The following ANO3 variants were observed in gnomAD, a reference collection of about 807,000 sequenced individuals.
The protein encoded by ANO3 is anoctamin-3.
Under a neutral mutation model 144.8 loss-of-function variants are expected in ANO3, and 99 were observed. That is an observed-to-expected ratio of 0.68 (90% CI 0.58 to 0.81). The LOEUF is 0.81. ANO3 is among the 30% of genes least tolerant of loss of function. ANO3 has a pLI of 0.00. For missense variants in ANO3, 905 were observed against 1,202.2 expected, an observed-to-expected ratio of 0.75 and a Z score of 3.66; for synonymous variants, 414 against 392.6, an observed-to-expected ratio of 1.05 and a Z score of -0.64.
intron 1 of ANO3, among the ~76,000 whole-genome samples, chr11:26,230,797 C>CAAAAA (rs1168180646): frequency 7.9e-4 from 9 of 11,332 alleles, no homozygotes; most frequent in Non-Finnish European, 9.9e-4. Flanking sequence ...ACTCCATCTC[C>CAAAAA]AAAAAAAAAA....
rs573764623 is a variant in ANO3 at position 26,295,612 on chromosome 11, C to T, written c.155-14033C>T. On this transcript the variant is annotated intron_variant, in intron 1 of 27. Coordinates refer to the ANO3 transcript ENST00000672621. ...GTAATACTTAAAGCTATCAAGTAGC[C>T]AAAAAAGTTATTAATTTTTTAAATT... Among the ~76,000 whole-genome samples, 311 of 151,106 alleles carry T rather than the reference C, an allele frequency of 2.1e-3. 2 individuals carry two copies. The highest frequency in any genetic ancestry group is 5.2e-3 in the African/African-American group (214 of 41,182).
intron 14 of ANO3, among the ~76,000 whole-genome samples, chr11:26,582,444 G>T (rs1346231909): frequency 6.6e-6 from 1 of 152,182 alleles, no homozygotes; most frequent in Non-Finnish European, 1.5e-5. Flanking sequence ...TTGTTCCAGG[G>T]ACTGACTATA....
intron 1 of ANO3, among the ~76,000 whole-genome samples, chr11:26,241,393 A>G (rs1428362573): frequency 1.3e-5 from 2 of 152,178 alleles, no homozygotes; most frequent in South Asian, 2.1e-4. Flanking sequence ...AAAACATTTA[A>G]TTCCCCAAAT....
At chr11:26,376,083 C>T (rs557602508) in intron 1 of ANO3, among the ~76,000 whole-genome samples, 1 of 152,218 alleles carries the variant, frequency 6.6e-6, no homozygotes, top group South Asian at 2.1e-4. Context: ...TTACTTGACA[C>T]TGGACTTTAA....
chr11:26,463,828 T>C lies in ANO3; in HGVS notation c.432+680T>C, dbSNP rs375524000. ...AATGGATGCTGCTTCTTTTCATCATTGCAAATGTAACTGATCCATATTTCC... is the reference window on the plus strand; with the variant it reads ...AATGGATGCTGCTTCTTTTCATCATCGCAAATGTAACTGATCCATATTTCC... On this transcript the variant is annotated intron_variant, in intron 4 of 26. Transcript: ENST00000256737. 7.3e-5 allele frequency among the ~76,000 whole-genome samples: 11 copies of C among 151,712 alleles called. No individual in the cohort carries two copies. In the East Asian group the frequency reaches 1.9e-3, roughly 27 times the overall value.
At chr11:26,277,916 A>G (rs984167990) in intron 1 of ANO3, among the ~76,000 whole-genome samples, 5 of 152,056 alleles carry the variant, frequency 3.3e-5, no homozygotes, top group African/African-American at 1.2e-4. Flanking sequence ...TTAATATATA[A>G]AGAAGATGTA....
At chr11:26,599,749 A>C (rs778588683) in intron 17 of ANO3, 35 bp downstream of exon 17, 96 of 1,583,984 alleles carry the variant, frequency 6.1e-5, no homozygotes, top group Non-Finnish European at 7.8e-5. Context: ...CAGTAGACAA[A>C]AAAGGGGTGG....
intron 4 of ANO3, among the ~76,000 whole-genome samples, chr11:26,493,794 C>T (rs1860812709): frequency 6.6e-6 from 1 of 152,164 alleles, no homozygotes; most frequent in Non-Finnish European, 1.5e-5. Context: ...TCAGGGACTG[C>T]CATTCACTGG....
At chr11:26,385,317 C>T (rs550903538) in intron 1 of ANO3, among the ~76,000 whole-genome samples, 1 of 152,102 alleles carries the variant, frequency 6.6e-6, no homozygotes, top group Non-Finnish European at 1.5e-5. Context: ...TTGATATATT[C>T]GCTTTATATT....
At chr11:26,238,977 T>C (rs1380954210) in intron 1 of ANO3, among the ~76,000 whole-genome samples, 1 of 150,816 alleles carries the variant, frequency 6.6e-6, no homozygotes, top group Non-Finnish European at 1.5e-5. Context: ...TAATGTATGT[T>C]CCTTTTTAAA....
intron 4 of ANO3, among the ~76,000 whole-genome samples, chr11:26,480,438 A>G (rs1418268257): frequency 6.6e-6 from 1 of 152,178 alleles, no homozygotes; most frequent in Non-Finnish European, 1.5e-5. Flanking sequence ...TTATGAAACA[A>G]CATGTTCGGC....
chr11:26,506,775 T>C (rs1440379208), intron 4 of ANO3, among the ~76,000 whole-genome samples: 1 of 152,220 alleles, frequency 6.6e-6, no homozygotes, highest in Non-Finnish European at 1.5e-5. Flanking sequence ...CCTGTTGCTG[T>C]AGGGTGACTC....
intron 22 of ANO3, among the ~76,000 whole-genome samples, chr11:26,642,766 ACTC>A (rs1479867017): frequency 1.3e-5 from 2 of 150,392 alleles, no homozygotes; most frequent in South Asian, 2.1e-4. Flanking sequence ...CTGAATCTTA[ACTC>A]CTCCTCCTTC....
chr11:26,564,762 T>C (rs1334856069), intron 14 of ANO3, among the ~76,000 whole-genome samples: 20 of 97,630 alleles, frequency 2.0e-4, no homozygotes, highest in African/African-American at 1.3e-4. Context: ...TATATATATA[T>C]ATATATATAT....
chr11:26,284,474 GGTGA>G (rs1471571255), intron 1 of ANO3, among the ~76,000 whole-genome samples: 18 of 152,172 alleles, frequency 1.2e-4, no homozygotes, highest in Non-Finnish European at 2.4e-4. Context: ...AACTCTGTGA[GGTGA>G]GTGTTTTTGT....
intron 1 of ANO3, among the ~76,000 whole-genome samples, chr11:26,348,791 G>A (rs988597212): frequency 1.3e-5 from 2 of 152,200 alleles, no homozygotes; most frequent in African/African-American, 4.8e-5. Flanking sequence ...GCTCTCCCAA[G>A]ACGTCACATT....
At chr11:26,277,062 ACCTT>A (rs1357526488) in intron 1 of ANO3, among the ~76,000 whole-genome samples, 4 of 152,094 alleles carry the variant, frequency 2.6e-5, no homozygotes, top group African/African-American at 9.7e-5. Flanking sequence ...ATTTGGTTCT[ACCTT>A]CATTTACTTG....
At chr11:26,523,937 C>T (rs1385512162) in intron 6 of ANO3, among the ~76,000 whole-genome samples, 1 of 152,090 alleles carries the variant, frequency 6.6e-6, no homozygotes, top group Non-Finnish European at 1.5e-5. Context: ...TTAATGATGT[C>T]CCTGGATTTA....
chr11:26,534,618 A>C (rs1485239972), intron 9 of ANO3, 56 bp downstream of exon 9: 2 of 1,278,952 alleles, frequency 1.6e-6, no homozygotes, highest in East Asian at 2.3e-5. Flanking sequence ...TATACCCAGA[A>C]TTATTGTTTT....
Sources: gnomAD v4.1 joint callset for allele counts (sites outside exome capture counted in the v4.1 genomes callset) on GRCh38, gnomAD v4.1.1 for gene constraint, MANE v1.5 for transcripts, NCBI Gene and HGNC (gene_info 2026-07-23, HGNC 2026-07-21) for gene names.